Variants in NRG2 observed in about 807,000 individuals in gnomAD.
The protein encoded by NRG2 is neuregulin 2.
In NRG2, 27 loss-of-function variants were observed where a neutral mutation model predicts 73.9. The ratio of observed to expected loss-of-function variants is 0.37; its 90% CI spans 0.27 to 0.50. The LOEUF (loss-of-function observed/expected upper bound fraction) is 0.50, where lower values mean the gene tolerates loss of function less well. Among genes scored for constraint, NRG2 ranks in the 20% least tolerant of loss-of-function variants. NRG2 has a pLI of 0.96. For synonymous variants in NRG2, 532 were observed against 541.0 expected (o/e 0.98, Z 0.23); for missense variants, 1,126 against 1,210.1 (o/e 0.93, Z 1.03).
chr5:139,953,695 T>C (rs1049973127), intron 1 of NRG2, among the ~76,000 whole-genome samples: 12 of 151,968 alleles, frequency 7.9e-5, no homozygotes, highest in African/African-American at 2.9e-4. Flanking sequence ...GACCAGATGA[T>C]GATAAGAGGA....
intron 1 of NRG2, among the ~76,000 whole-genome samples, chr5:140,011,080 C>T (rs1759326672): frequency 6.6e-6 from 1 of 152,194 alleles, no homozygotes; most frequent in Non-Finnish European, 1.5e-5. Context: ...TTATATAAGC[C>T]TTCAGGTGAT....
intron 1 of NRG2, among the ~76,000 whole-genome samples, chr5:139,919,348 C>T (rs1006086744): frequency 1.3e-5 from 2 of 152,042 alleles, no homozygotes; most frequent in African/African-American, 4.8e-5. Context: ...TTCCTGAATC[C>T]TTGTAGCTAA....
chr5:139,984,576 C>A (rs1757028525), intron 1 of NRG2, among the ~76,000 whole-genome samples: 1 of 152,090 alleles, frequency 6.6e-6, no homozygotes, highest in South Asian at 2.1e-4. Flanking sequence ...ATAATTCTTC[C>A]TTTTTTCACA....
chr5:140,015,812 G>A (rs915593295), intron 1 of NRG2, among the ~76,000 whole-genome samples: 9 of 152,188 alleles, frequency 5.9e-5, no homozygotes, highest in Admixed American at 2.6e-4. Flanking sequence ...GTGGGCACAC[G>A]GTGATCTCAA....
intron 1 of NRG2, among the ~76,000 whole-genome samples, chr5:140,023,264 C>T (rs1760385400): frequency 6.6e-6 from 1 of 152,120 alleles, no homozygotes; most frequent in Admixed American, 6.5e-5. Flanking sequence ...TCTTATCTCC[C>T]CTATATCTCT....
In NRG2 at chr5:139,904,166, A is replaced by G; in HGVS notation, c.701-16655T>C. On this transcript the variant is annotated intron_variant, in intron 1 of 9. Transcript: ENST00000361474. The surrounding 1 kb of genome is among the most constrained non-coding windows in gnomAD (Gnocchi z 6.0). ...CGGCCGCGACGACCCGCTCGCACGC[A>G]GGCACGCGCGCCCTCGGTGCCTGTC... 1 of 774,426 alleles carries G rather than the reference A, an allele frequency of 1.3e-6. No homozygotes were observed. Among genetic ancestry groups the G allele is most frequent in the Non-Finnish European group, 1.8e-6 (1 of 555,096 alleles). 48.0% of individuals were successfully genotyped at this position (774,426 alleles called of 1,614,324 possible). A position where few individuals can be genotyped will look rare whatever the true frequency, so the allele number is the denominator to read the frequency against.
At chr5:139,933,007 G>A (rs1284316985) in intron 1 of NRG2, among the ~76,000 whole-genome samples, 1 of 152,240 alleles carries the variant, frequency 6.6e-6, no homozygotes, top group Non-Finnish European at 1.5e-5. Flanking sequence ...GCACGCGGTG[G>A]CTCACGCCTG....
rs577570379 is a variant in NRG2, at chr5:139,865,315, T to C, written c.1189+234A>G. ...TGTATTGGCCTTGCCACTCTGCCCCTTACCTGCAGCCCTGAACTTTAAACC... is the reference window on the plus strand; with the variant it reads ...TGTATTGGCCTTGCCACTCTGCCCCCTACCTGCAGCCCTGAACTTTAAACC... On this transcript the variant is annotated intron_variant, in intron 5 of 9. Coordinates refer to ENST00000361474, the MANE Select transcript of NRG2 (RefSeq NM_004883.3). The surrounding 1 kb of genome is among the most constrained non-coding windows in gnomAD (Gnocchi z 5.2). 4 of 782,446 alleles carry C rather than the reference T, an allele frequency of 5.1e-6. No homozygotes were observed. The highest frequency in any genetic ancestry group is 8.9e-6 in the Non-Finnish European group (4 of 447,690). The allele number at this position is 782,446 out of a possible 1,614,324, so 48.5% of individuals were successfully genotyped here. A position where few individuals can be genotyped will look rare whatever the true frequency, so the allele number is the denominator to read the frequency against.
intron 3 of NRG2, among the ~76,000 whole-genome samples, chr5:139,872,508 A>G (rs995843026): frequency 1.4e-4 from 21 of 152,098 alleles, no homozygotes; most frequent in Admixed American, 6.5e-5. Flanking sequence ...GGTCTTCTCC[A>G]TATCTCCCCA....
intron 4 of NRG2, among the ~76,000 whole-genome samples, chr5:139,866,740 C>A (rs917546933): frequency 2.0e-5 from 3 of 152,212 alleles, no homozygotes; most frequent in African/African-American, 7.2e-5. Context: ...ACCCCCCACT[C>A]AATCTCCCTG....
chr5:140,027,984 C>T (rs540540919), intron 1 of NRG2, among the ~76,000 whole-genome samples: 7 of 152,306 alleles, frequency 4.6e-5, no homozygotes, highest in African/African-American at 1.7e-4. Context: ...GAGCCCTACT[C>T]ACATGCCAGG....
chr5:139,997,471 G>A (rs1561740274), intron 1 of NRG2, among the ~76,000 whole-genome samples: 1 of 152,234 alleles, frequency 6.6e-6, no homozygotes, highest in Non-Finnish European at 1.5e-5. Flanking sequence ...CTAGTAAGCT[G>A]CCTTTATCTT....
At chr5:139,974,960 G>C (rs531852039) in intron 1 of NRG2, among the ~76,000 whole-genome samples, 2 of 152,380 alleles carry the variant, frequency 1.3e-5, no homozygotes, top group South Asian at 4.1e-4. Context: ...TTCCTGGTCT[G>C]TATGTAGGCC....
chr5:139,959,927 T>C (rs1754934321), intron 1 of NRG2, among the ~76,000 whole-genome samples: 2 of 152,206 alleles, frequency 1.3e-5, no homozygotes, highest in Admixed American at 6.5e-5. Context: ...CTTAGACAAC[T>C]GGCATTGAGG....
intron 1 of NRG2, among the ~76,000 whole-genome samples, chr5:139,964,564 C>T (rs770179175): frequency 1.3e-5 from 2 of 152,216 alleles, no homozygotes; most frequent in African/African-American, 2.4e-5. Context: ...CATGCCCTTT[C>T]TACTAGGCAC....
At chr5:139,905,538 G>A (rs1294651022) in intron 1 of NRG2, among the ~76,000 whole-genome samples, 2 of 152,224 alleles carry the variant, frequency 1.3e-5, no homozygotes, top group Non-Finnish European at 2.9e-5. Context: ...CCAGGGACTC[G>A]AGCTCCAGGG....
chr5:139,879,032 C>T (rs930121707), intron 3 of NRG2, among the ~76,000 whole-genome samples: 16 of 152,186 alleles, frequency 1.1e-4, no homozygotes, highest in African/African-American at 3.4e-4. Context: ...ACTTTTACAT[C>T]GTACAGCTCT....
chr5:139,968,381 G>A (rs1031216399), intron 1 of NRG2, among the ~76,000 whole-genome samples: 1 of 152,230 alleles, frequency 6.6e-6, no homozygotes, highest in Non-Finnish European at 1.5e-5. Context: ...CCTCAAGGGG[G>A]CCTAGTTTAG....
chr5:139,862,235 G>A (rs1762192593), intron 5 of NRG2, among the ~76,000 whole-genome samples: 1 of 152,138 alleles, frequency 6.6e-6, no homozygotes, highest in African/African-American at 2.4e-5. Flanking sequence ...CAGCTTCTAG[G>A]GCTCCTAACT....
Sources: gnomAD v4.1 joint callset for allele counts (sites outside exome capture counted in the v4.1 genomes callset) on GRCh38, gnomAD v4.1.1 for gene constraint, Gnocchi (gnomAD v3.1) non-coding constraint, MANE v1.5 for transcripts, NCBI Gene and HGNC (gene_info 2026-07-23, HGNC 2026-07-21) for gene names.